Variants in ADK observed in about 807,000 individuals in gnomAD.
ADK encodes adenosine kinase.
Under a neutral mutation model 44.7 loss-of-function variants are expected in ADK, and 24 were observed. The ratio of observed to expected loss-of-function variants is 0.54; its 90% confidence interval spans 0.39 to 0.76. The LOEUF (loss-of-function observed/expected upper bound fraction) is 0.76, where lower values mean the gene tolerates loss of function less well. Among genes scored for constraint, ADK ranks in the 30% least tolerant of loss-of-function variants. The pLI, the probability that ADK is intolerant of heterozygous loss-of-function variation, is 0.00. For synonymous variants in ADK, 128 were observed against 142.6 expected, an observed-to-expected ratio of 0.90 and a Z score of 0.73; for missense variants, 321 against 425.1, an observed-to-expected ratio of 0.76 and a Z score of 2.15.
chr10:74,618,299 T>G (rs959258205), intron 9 of ADK, among the ~76,000 whole-genome samples: 2 of 152,166 alleles, frequency 1.3e-5, no homozygotes, highest in Non-Finnish European at 2.9e-5. Flanking sequence ...TTTCTTTTTC[T>G]TCTCATTTAG....
chr10:74,321,951 A>T (rs1386317438), intron 4 of ADK, among the ~76,000 whole-genome samples: 1 of 152,242 alleles, frequency 6.6e-6, no homozygotes, highest in Non-Finnish European at 1.5e-5. Context: ...TGTAAAGCTG[A>T]TATTTCAAGA....
At chr10:74,604,995 C>A (rs1852266758) in intron 9 of ADK, among the ~76,000 whole-genome samples, 1 of 152,106 alleles carries the variant, frequency 6.6e-6, no homozygotes, top group African/African-American at 2.4e-5. Flanking sequence ...ATTTTATTCT[C>A]TTTGTAGCAA....
At chr10:74,215,145 T>C (rs1027682622) in intron 2 of ADK, among the ~76,000 whole-genome samples, 5 of 152,108 alleles carry the variant, frequency 3.3e-5, no homozygotes, top group Non-Finnish European at 7.4e-5. Context: ...CAGAAAAAAA[T>C]GTTGAGGACT....
In ADK at chr10:74,464,837, GA is replaced by G. The variant is rs371966200; in HGVS notation, c.556-60412del. Among the ~76,000 whole-genome samples, 6 of 134,354 alleles carry G rather than the reference GA, an allele frequency of 4.5e-5. No homozygotes were observed. In the South Asian group the frequency reaches 1.5e-3, roughly 33 times the overall value. 88.1% of individuals were successfully genotyped at this position (134,354 alleles called of 152,430 possible). On this transcript the variant is annotated intron_variant, in intron 6 of 10. Transcript: ENST00000539909. ...CACTGCAGCCTGGGCAACTATTTAA[GA>G]AAAAAAGAGAGAGAGAGAGAAGCAG...
At chr10:74,371,428 C>T (rs960121391) in intron 4 of ADK, 43 of 615,138 alleles carry the variant, frequency 7.0e-5, no homozygotes, top group African/African-American at 4.1e-4. Context: ...AAGCAGTCCC[C>T]TACAGATCTA....
chr10:74,450,604 T>G (rs190346395), intron 6 of ADK, among the ~76,000 whole-genome samples: 1 of 152,344 alleles, frequency 6.6e-6, no homozygotes, highest in East Asian at 1.9e-4. Context: ...TTTAATTGAA[T>G]AAGGAACAGT....
At chr10:74,452,063 AGCC>A (rs1845799779) in intron 6 of ADK, among the ~76,000 whole-genome samples, 1 of 152,026 alleles carries the variant, frequency 6.6e-6, no homozygotes, top group East Asian at 1.9e-4. Flanking sequence ...ACAGAAATTA[AGCC>A]ATGTATAATA....
In ADK at chr10:74,231,963, C is replaced by CT. The variant is rs546257872; in HGVS notation, c.194+7383dup. Among the ~76,000 whole-genome samples the CT allele has an allele frequency of 3.7e-4, 54 of 145,190 alleles. No individual in the cohort carries two copies. The South Asian group carries it at 5.8e-3, about 15-fold the overall frequency. ...TTCTTTGCTGCTTTTTTTTGTTTGT[C>CT]TTTTTTTTTTTCTTTTACTGATATG... On this transcript the variant is annotated intron_variant, in intron 3 of 10. Transcript: ENST00000539909.
chr10:74,653,518 C>A (rs975388734), intron 9 of ADK, among the ~76,000 whole-genome samples: 2 of 151,508 alleles, frequency 1.3e-5, no homozygotes, highest in African/African-American at 4.9e-5. Flanking sequence ...TTTTTTTTTC[C>A]CCTGGTGCTG....
chr10:74,171,353 G>A (rs763595755), intron 1 of ADK, among the ~76,000 whole-genome samples: 2 of 152,128 alleles, frequency 1.3e-5, no homozygotes, highest in South Asian at 2.1e-4. Context: ...AATTTTATAT[G>A]AGAGTGCTTG....
chr10:74,505,110 G>A (rs1372663662), intron 6 of ADK, among the ~76,000 whole-genome samples: 2 of 152,182 alleles, frequency 1.3e-5, no homozygotes, highest in Admixed American at 6.5e-5. Context: ...GAAGGAGGTG[G>A]AAAGGATGGC....
At chr10:74,286,935 C>A (rs894702786) in intron 3 of ADK, among the ~76,000 whole-genome samples, 3 of 152,154 alleles carry the variant, frequency 2.0e-5, no homozygotes, top group Non-Finnish European at 2.9e-5. Context: ...GATCCTCCCA[C>A]CTCAGCCTCT....
intron 6 of ADK, among the ~76,000 whole-genome samples, chr10:74,522,047 C>T (rs541394697): frequency 6.6e-6 from 1 of 152,076 alleles, no homozygotes; most frequent in Non-Finnish European, 1.5e-5. Context: ...ACATATTTTC[C>T]TCATCCATCG....
At chr10:74,657,231 A>G (rs946209602) in intron 9 of ADK, among the ~76,000 whole-genome samples, 6 of 152,180 alleles carry the variant, frequency 3.9e-5, no homozygotes, top group Non-Finnish European at 7.4e-5. Context: ...AGATTCATCA[A>G]CTCATAAATA....
chr10:74,519,341 G>T (rs1019867959), intron 6 of ADK, among the ~76,000 whole-genome samples: 1 of 151,828 alleles, frequency 6.6e-6, no homozygotes, highest in Non-Finnish European at 1.5e-5. Flanking sequence ...TAAAAATTTA[G>T]TTTCACGATC....
At chr10:74,561,913 T>C (rs1850478751) in intron 7 of ADK, among the ~76,000 whole-genome samples, 2 of 152,246 alleles carry the variant, frequency 1.3e-5, no homozygotes, top group South Asian at 4.1e-4. Context: ...AATGGATTCC[T>C]AGAGTTTACC....
At chr10:74,303,722 C>G (rs147963074) in intron 3 of ADK, among the ~76,000 whole-genome samples, 5 of 150,360 alleles carry the variant, frequency 3.3e-5, no homozygotes, top group African/African-American at 1.2e-4. Flanking sequence ...AATCCCAGCA[C>G]TTTGGGAGGC....
chr10:74,533,599 G>GT (rs1411627715), intron 7 of ADK, among the ~76,000 whole-genome samples: 14 of 152,272 alleles, frequency 9.2e-5, no homozygotes, highest in African/African-American at 3.4e-4. Context: ...TTCAACCCAC[G>GT]TAACAAACAA....
intron 4 of ADK, among the ~76,000 whole-genome samples, chr10:74,370,030 T>G (rs2131970242): frequency 6.6e-6 from 1 of 152,286 alleles, no homozygotes; most frequent in African/African-American, 2.4e-5. Context: ...ATATTTTCTA[T>G]CACATAAATA....
Sources: gnomAD v4.1 joint callset for allele counts (sites outside exome capture counted in the v4.1 genomes callset) on GRCh38, gnomAD v4.1.1 for gene constraint, MANE v1.5 for transcripts, NCBI Gene and HGNC (gene_info 2026-07-23, HGNC 2026-07-21) for gene names.